Variants in ACSF2 observed in about 807,000 individuals in gnomAD.
The protein encoded by ACSF2 is medium-chain acyl-CoA ligase ACSF2, mitochondrial.
In ACSF2, 52 loss-of-function variants were observed where a neutral mutation model predicts 79.3. That is an observed-to-expected ratio of 0.66 (90% CI 0.53 to 0.83). The LOEUF (loss-of-function observed/expected upper bound fraction) is 0.83. Among genes scored for constraint, ACSF2 ranks in the 40% least tolerant of loss-of-function variants. The pLI is 0.00. For missense variants in ACSF2, 661 were observed against 803.3 expected (o/e 0.82, Z 2.14); for synonymous variants, 283 against 312.6 (o/e 0.91, Z 1.00).
At chr17:50,436,502 G>A (rs549849880) in intron 1 of ACSF2, among the ~76,000 whole-genome samples, 99 of 151,602 alleles carry the variant, frequency 6.5e-4, no homozygotes, top group African/African-American at 2.2e-3. Context: ...GTGCAATCTC[G>A]GATCACTGCA....
Position 50,471,278 on chromosome 17 carries a change from A to T in ACSF2, c.1323+143A>T. On this transcript the variant is annotated intron_variant, in intron 11 of 15. Transcript: ENST00000300441. The surrounding 1 kb of genome is among the most constrained non-coding windows in gnomAD (Gnocchi z 4.1). ...AGCCCCCCAGCAGCAGGGGTGTGCT[A>T]GGCCTGGCCCGGAGTGTTCTCTGTG... The T allele has an allele frequency of 1.5e-6, 1 of 672,880 alleles. No homozygotes were observed. 41.7% of individuals were successfully genotyped at this position (672,880 alleles called of 1,614,324 possible). A position where few individuals can be genotyped will look rare whatever the true frequency, so the allele number is the denominator to read the frequency against.
rs1023677772 is a variant in ACSF2 at position 50,463,667 on chromosome 17, G to C, written c.1046+115G>C. 6.6e-7 allele frequency: 1 copy of C among 1,525,584 alleles called. No homozygotes were observed. The highest frequency in any genetic ancestry group is 1.8e-5 in the Admixed American group (1 of 55,182). The allele number at this position is 1,525,584 out of a possible 1,614,324, so 94.5% of individuals were successfully genotyped here. A position where few individuals can be genotyped will look rare whatever the true frequency, so the allele number is the denominator to read the frequency against. On this transcript the variant is annotated intron_variant, in intron 8 of 15. Transcript: ENST00000300441. The surrounding 1 kb of genome is among the most constrained non-coding windows in gnomAD (Gnocchi z 4.6). ...CCCTCCAGCCAGGAGACTGAGGATG[G>C]GGACAGTGGAGGACCCCCAGGAGAG...
intron 10 of ACSF2, chr17:50,469,121 C>T: frequency 1.2e-6 from 1 of 815,700 alleles, no homozygotes; most frequent in Non-Finnish European, 1.5e-6. Flanking sequence ...CCCCGCTCTC[C>T]TATGGTGCTC....
chr17:50,465,489 G>A, intron 10 of ACSF2: 5 of 1,605,416 alleles, frequency 3.1e-6, no homozygotes, highest in Non-Finnish European at 3.4e-6. Context: ...GGGAGTGCTG[G>A]GGGGAAGGGC....
chr17:50,462,886 G>T, intron 6 of ACSF2: 1 of 579,928 alleles, frequency 1.7e-6, no homozygotes, highest in African/African-American at 1.9e-5. Context: ...AGGAATCAGA[G>T]ACGCAGAAGA....
At chr17:50,468,726 G>A in intron 10 of ACSF2, 1 of 1,610,732 alleles carries the variant, frequency 6.2e-7, no homozygotes, top group South Asian at 1.1e-5. Context: ...AGGTCGCTGT[G>A]GCAGTGGCAG....
intron 12 of ACSF2, 79 bp from the exon 13 acceptor site, chr17:50,473,586 C>T: frequency 1.9e-6 from 3 of 1,594,048 alleles, no homozygotes; most frequent in Non-Finnish European, 2.6e-6. Flanking sequence ...AGTAGCTGGT[C>T]AATAAATGTT....
At position 50,463,803 on chromosome 17, in the gene ACSF2, C is replaced by G. The variant is rs552297060; in HGVS notation, c.1047-15C>G. 11 of 1,612,074 alleles carry G rather than the reference C, an allele frequency of 6.8e-6. No individual in the cohort carries two copies. Among genetic ancestry groups the G allele is most frequent in the Non-Finnish European group, 8.5e-7 (1 of 1,178,250 alleles). On this transcript the variant is annotated splice_polypyrimidine_tract_variant and intron_variant, in intron 8 of 15. Transcript: ENST00000300441. This position sits in a 1 kb window ranked among gnomAD's most constrained non-coding sequence, Gnocchi z 4.6. ...TCCACTTCCAAGCCTAATTTCGAGA[C>G]CTCCTCCTATACAGAGGCACCTTCC... is the stretch of plus-strand genomic sequence containing the variant.
chr17:50,441,203 A>G (rs776152182), intron 1 of ACSF2, among the ~76,000 whole-genome samples: 1 of 152,254 alleles, frequency 6.6e-6, no homozygotes. Flanking sequence ...TGTGAGAATC[A>G]TATGAGACAC....
intron 10 of ACSF2, chr17:50,464,914 C>G: frequency 5.5e-5 from 19 of 343,184 alleles, no homozygotes; most frequent in South Asian, 4.7e-4. Flanking sequence ...AGGCCCCCTG[C>G]CAGGACGTGT....
At chr17:50,460,592 C>A in intron 1 of ACSF2, 85 bp from the exon 2 acceptor site, 1 of 1,278,856 alleles carries the variant, frequency 7.8e-7, no homozygotes, top group Non-Finnish European at 1.1e-6. Flanking sequence ...AGCAGCCTAC[C>A]CCCTGGCTTG....
At chr17:50,470,868 C>T (rs990927916) in intron 10 of ACSF2, 160 bp from the exon 11 acceptor site, 1 of 624,722 alleles carries the variant, frequency 1.6e-6, no homozygotes, top group East Asian at 2.8e-5. Context: ...CCTCTGCCTC[C>T]TGACCCCAGG....
At chr17:50,444,301 C>T (rs2031146313) in intron 1 of ACSF2, among the ~76,000 whole-genome samples, 1 of 152,080 alleles carries the variant, frequency 6.6e-6, no homozygotes, top group South Asian at 2.1e-4. Flanking sequence ...ACCTGTAATC[C>T]CAGCACTTTG....
In ACSF2 at chr17:50,442,327, T is replaced by TTTTTA. The variant is rs1016935556; in HGVS notation, c.128+15942_128+15943insATTTT. On this transcript the variant is annotated intron_variant, in intron 1 of 15. Coordinates refer to ENST00000300441, the MANE Select transcript of ACSF2 (RefSeq NM_025149.6). Reference sequence around the variant, plus strand: ...TCCCAAAAAAACAAAACAAAACAATTTTTTTTTTTTTTTTTTTGTAGAGAC... The same window carrying TTTTTA: ...TCCCAAAAAAACAAAACAAAACAATTTTTTATTTTTTTTTTTTTTTTTGTAGAGAC... 5.2e-3 allele frequency among the ~76,000 whole-genome samples: 62 copies of TTTTTA among 11,874 alleles called. No individual in the cohort carries two copies. In the East Asian group the frequency reaches 0.2, roughly 39 times the overall value. 7.8% of individuals were successfully genotyped at this position (11,874 alleles called of 152,430 possible).
intron 1 of ACSF2, among the ~76,000 whole-genome samples, chr17:50,448,458 C>A (rs976940539): frequency 6.6e-6 from 1 of 152,068 alleles, no homozygotes; most frequent in Non-Finnish European, 1.5e-5. Flanking sequence ...GAGGGGAGTA[C>A]ACTCCATGTT....
At chr17:50,461,712 C>G (rs1236106016) in intron 4 of ACSF2, 26 bp downstream of exon 4, 1 of 1,613,696 alleles carries the variant, frequency 6.2e-7, no homozygotes, top group Non-Finnish European at 8.5e-7. Flanking sequence ...CGGGGAGGGG[C>G]CCGGCTGGGG....
intron 6 of ACSF2, chr17:50,462,877 G>A: frequency 1.7e-6 from 1 of 578,584 alleles, no homozygotes; most frequent in East Asian, 2.9e-5. Flanking sequence ...TAGCTGATGA[G>A]GAATCAGAGA....
chr17:50,438,925 A>C (rs1445090966), intron 1 of ACSF2, among the ~76,000 whole-genome samples: 1 of 152,148 alleles, frequency 6.6e-6, no homozygotes, highest in African/African-American at 2.4e-5. Context: ...ATGGATACAG[A>C]GGGCTGACTA....
At chr17:50,461,459 A>G in intron 3 of ACSF2, 89 bp downstream of exon 3, 1 of 1,599,946 alleles carries the variant, frequency 6.3e-7, no homozygotes, top group Non-Finnish European at 8.5e-7. Flanking sequence ...CCAGGATCAA[A>G]CCAGTGCCTT....
Sources: allele counts gnomAD v4.1 joint callset (sites outside exome capture counted in the v4.1 genomes callset), GRCh38; gene constraint gnomAD v4.1.1; non-coding constraint Gnocchi (gnomAD v3.1); transcripts MANE v1.5; gene names NCBI Gene and HGNC (gene_info 2026-07-23, HGNC 2026-07-21).